Variants in NOC2L observed in about 807,000 individuals in gnomAD.
NOC2L encodes the protein nucleolar complex protein 2 homolog.
Under a neutral mutation model 94.2 loss-of-function variants are expected in NOC2L, and 101 were observed. The observed-to-expected ratio is 1.07, with a 90% CI of 0.91 to 1.26. NOC2L has a LOEUF of 1.26. NOC2L is among the 50% of genes most tolerant of loss of function. NOC2L has a pLI of 0.00. For missense variants in NOC2L, 1,076 were observed against 980.1 expected (o/e 1.10, Z -1.31); for synonymous variants, 531 against 413.4 (o/e 1.28, Z -3.45).
Position 957,083 on chromosome 1 carries a change from T to G in NOC2L, c.354+16A>C. On this transcript the variant is annotated intron_variant, in intron 3 of 18. Coordinates refer to ENST00000327044, the MANE Select transcript of NOC2L (RefSeq NM_015658.4). ...AGAGACAAGTGCCCCCCTTCTGGTT[T>G]GGCCCACGCCCTCACCTCCAGCACA... 3.1e-6 allele frequency: 5 copies of G among 1,613,988 alleles called. No homozygotes were observed. The highest frequency in any genetic ancestry group is 4.2e-6 in the Non-Finnish European group (5 of 1,179,980).
intron 8 of NOC2L, among the ~76,000 whole-genome samples, chr1:953,536 G>A (rs1642315221): frequency 6.6e-6 from 1 of 152,260 alleles, no homozygotes; most frequent in African/African-American, 2.4e-5. Flanking sequence ...GATCACACCG[G>A]GAAGAAGATA....
rs374557448 is a variant in NOC2L at position 953,158 on chromosome 1, G to A, written c.1002+17C>T. The A allele has an allele frequency of 6.4e-6, 10 of 1,560,260 alleles. No individual in the cohort carries two copies. Among genetic ancestry groups the A allele is most frequent in the East Asian group, 4.5e-5 (2 of 44,636 alleles). ...AATGCAGATGCTGAGGGACACAGAC[G>A]CAGGGCCCACCACTACCTTGAGGAC... On this transcript the variant is annotated intron_variant, in intron 9 of 18. Transcript: ENST00000327044.
At chr1:953,622 G>T (rs1642318026) in intron 8 of NOC2L, among the ~76,000 whole-genome samples, 160 bp downstream of exon 8, 1 of 152,258 alleles carries the variant, frequency 6.6e-6, no homozygotes. Context: ...GAAACCCCAG[G>T]TGGGGGTGGG....
chr1:957,506 C>T (rs572627391), intron 2 of NOC2L: 12 of 546,158 alleles, frequency 2.2e-5, no homozygotes, highest in Non-Finnish European at 4.0e-5. Flanking sequence ...GCTGTGCCTG[C>T]GCCCTGCGCT....
rs1330405753 is a variant in NOC2L at position 952,606 on chromosome 1, G to A, written c.1003-6C>T. On this transcript the variant is annotated splice_region_variant and splice_polypyrimidine_tract_variant and intron_variant, in intron 9 of 18. Transcript: ENST00000327044. ...ACATACGTGATGTACATTTGCTGCGGAGAGACCCGGGTCAGAGCCACCTGG... is the reference window on the plus strand; with the variant it reads ...ACATACGTGATGTACATTTGCTGCGAAGAGACCCGGGTCAGAGCCACCTGG... The A allele has an allele frequency of 3.1e-6, 5 of 1,613,336 alleles. No individual in the cohort carries two copies. The African/African-American group carries it at 6.7e-5, about 22-fold the overall frequency.
At chr1:953,982 G>A (rs186200705) in intron 7 of NOC2L, 22 bp downstream of exon 7, 264 of 1,603,124 alleles carry the variant, frequency 1.6e-4, no homozygotes, top group South Asian at 9.8e-4. Context: ...AGGCCCCCGT[G>A]CCCTCCCCAC....
rs200338051 is a variant in NOC2L at position 959,206 on chromosome 1, G to A, written c.26+9C>T. 1.1e-5 allele frequency: 18 copies of A among 1,610,182 alleles called. No homozygotes were observed. Among genetic ancestry groups the A allele is most frequent in the South Asian group, 5.5e-5 (5 of 90,810 alleles). On this transcript the variant is annotated intron_variant, in intron 1 of 18. Transcript: ENST00000327044. ...GGAGGCCAAATCGGCCCTCGGACCCGCGGCTTACCTCTTGCGGCTCCCCGC... is the reference window on the plus strand; with the variant it reads ...GGAGGCCAAATCGGCCCTCGGACCCACGGCTTACCTCTTGCGGCTCCCCGC...
At position 955,918 on chromosome 1, in the gene NOC2L, C is replaced by T; in HGVS notation, c.698+5G>A. 1 of 1,611,186 alleles carries T rather than the reference C, an allele frequency of 6.2e-7. No individual in the cohort carries two copies. Among genetic ancestry groups the T allele is most frequent in the Non-Finnish European group, 8.5e-7 (1 of 1,177,450 alleles). On this transcript the variant is annotated splice_donor_5th_base_variant and intron_variant, in intron 6 of 18. Transcript: ENST00000327044. The stretch of plus-strand genomic sequence containing the variant: ...CCTACCCCCCTTCACCCCCTCCCCT[C>T]TTACCTGCTGCTATCCTTTGCCACC...
At chr1:950,144 GCA>G (rs1216123241) in intron 12 of NOC2L, among the ~76,000 whole-genome samples, 3 of 152,106 alleles carry the variant, frequency 2.0e-5, no homozygotes, top group South Asian at 2.1e-4. Flanking sequence ...GCACACAGGT[GCA>G]CACACGCACA....
In NOC2L at chr1:948,497, G is replaced by A. The variant is rs375064108; in HGVS notation, c.1550C>T (p.Ala517Val). 26 of 1,611,466 alleles carry A rather than the reference G, an allele frequency of 1.6e-5. No individual in the cohort carries two copies. Among genetic ancestry groups the A allele is most frequent in the East Asian group, 1.6e-4 (7 of 44,878 alleles). ...KLSNVNLQEK[A>V]YRDGLVEQLY... ...CCAGGAGGCCAGCCTCACCCGGTAC[G>A]CCTTCTCCTGCAGGTTGACATTGGA... is the stretch of plus-strand genomic sequence containing the variant. The change falls in exon 13 of 19, where the codon GCG becomes GTG. Residue 517 changes from alanine (A) to valine (V), a missense_variant. By Grantham distance (64) the Ala-to-Val change is moderately conservative. Transcript: ENST00000327044.
chr1:957,150 G>C lies in NOC2L; in HGVS notation c.303C>G (p.Asp101Glu), dbSNP rs1642427118. The change falls in exon 3 of 19, where the codon GAC (aspartate) becomes GAG (glutamate). Residue 101 changes from aspartate (D) to glutamate (E), a missense_variant. Around this residue, in one of 3 missense-constraint regions of NOC2L, gnomAD observed 457 missense variants for 386.0 expected, o/e 1.18. Coordinates refer to ENST00000327044, the MANE Select transcript of NOC2L (RefSeq NM_015658.4). ...DQSLLNFSDSDSSEEEEGPFH... is the reference protein window; with the variant it reads ...DQSLLNFSDSESSEEEEGPFH... ...ACGGCCCCTCTTCCTCCTCAGAGCT[G>C]TCCGAGTCGCTGAAGTTTAGCAGGC... The C allele has an allele frequency of 6.2e-7, 1 of 1,613,960 alleles. No homozygotes were observed. Among genetic ancestry groups the C allele is most frequent in the South Asian group, 1.1e-5 (1 of 91,086 alleles).
intron 14 of NOC2L, chr1:946,790 G>T: frequency 2.2e-6 from 1 of 444,472 alleles, no homozygotes; most frequent in Non-Finnish European, 4.1e-6. Flanking sequence ...AGGCGTGGTG[G>T]CTCTCGCCTG....
rs1642427192 is a variant in NOC2L, at chr1:957,149, TGTC to T, written c.301_303del (p.Asp101del). ...AACGGCCCCTCTTCCTCCTCAGAGC[TGTC>T]CGAGTCGCTGAAGTTTAGCAGGCTC... is the stretch of plus-strand genomic sequence containing the variant. On this transcript the variant is annotated inframe_deletion, in exon 3 of 19. Transcript: ENST00000327044. 1 of 1,613,966 alleles carries T rather than the reference TGTC, an allele frequency of 6.2e-7. No homozygotes were observed. The highest frequency in any genetic ancestry group is 1.1e-5 in the South Asian group (1 of 91,094).
In NOC2L at chr1:956,941, C is replaced by G. The variant is rs1432751870; in HGVS notation, c.439G>C (p.Val147Leu). Residue 147 changes from valine to leucine, a missense_variant, in exon 4 of 19, where the codon GTT becomes CTT. Around this residue, in one of 3 missense-constraint regions of NOC2L, gnomAD observed 457 missense variants for 386.0 expected, o/e 1.18. Transcript: ENST00000327044. ...TCAACCATGGCGACGGTCACAGGAA[C>G]AGAATTCTTCTTCCCCTTCAGCCCT... ...PRGLKGKKNS[V>L]PVTVAMVERW... is the part of the protein sequence containing the mutation. 3 of 1,614,134 alleles carry G rather than the reference C, an allele frequency of 1.9e-6. No homozygotes were observed. In the East Asian group the frequency reaches 6.7e-5, roughly 36 times the overall value.
At position 953,908 on chromosome 1, in the gene NOC2L, G is replaced by A. The variant is rs374538478; in HGVS notation, c.778-16C>T. 12 of 1,611,268 alleles carry A rather than the reference G, an allele frequency of 7.4e-6. No homozygotes were observed. The highest frequency in any genetic ancestry group is 2.7e-5 in the African/African-American group (2 of 74,904). On this transcript the variant is annotated splice_polypyrimidine_tract_variant and intron_variant, in intron 7 of 18. Coordinates refer to ENST00000327044, the MANE Select transcript of NOC2L (RefSeq NM_015658.4). ...AGGACACCAGCTGGGGGCAGGAGGG[G>A]ACAGTGAAGCCCCAAACCCATGTAT...
chr1:949,952 CA>C (rs1258488514), intron 12 of NOC2L, among the ~76,000 whole-genome samples: 1 of 152,200 alleles, frequency 6.6e-6, no homozygotes, highest in African/African-American at 2.4e-5. Flanking sequence ...ATTAGATAAA[CA>C]GGGTGGAGAT....
At chr1:954,828 A>G (rs1156782324) in intron 6 of NOC2L, among the ~76,000 whole-genome samples, 3 of 147,486 alleles carry the variant, frequency 2.0e-5, no homozygotes, top group African/African-American at 7.4e-5. Flanking sequence ...TCTCGTAAGG[A>G]AAAAAAAAAA....
At chr1:952,349 G>T in intron 10 of NOC2L, 63 bp downstream of exon 10, 1 of 1,582,790 alleles carries the variant, frequency 6.3e-7, no homozygotes, top group Non-Finnish European at 8.6e-7. Context: ...CCTGCCTTGG[G>T]TCGGGCACCT....
At position 952,211 on chromosome 1, in the gene NOC2L, G is replaced by A. The variant is rs1368961097; in HGVS notation, c.1192-72C>T. ...GGCTGATGCACGTTCCTCCTGGGCC[G>A]GCACAGGAATCATTTCCTCATCTTG... On this transcript the variant is annotated intron_variant, in intron 10 of 18. Coordinates refer to ENST00000327044, the MANE Select transcript of NOC2L (RefSeq NM_015658.4). 2.6e-5 allele frequency: 41 copies of A among 1,561,872 alleles called. 1 individual carries two copies. Among genetic ancestry groups the A allele is most frequent in the Admixed American group, 1.2e-4 (7 of 58,838 alleles).
Sources: allele counts gnomAD v4.1 joint callset (sites outside exome capture counted in the v4.1 genomes callset), GRCh38; gene constraint gnomAD v4.1.1; regional missense constraint gnomAD v4.1.1; transcripts MANE v1.5; gene names NCBI Gene and HGNC (gene_info 2026-07-23, HGNC 2026-07-21).